Variants in ROS1 observed in about 807,000 individuals in gnomAD.
The protein encoded by ROS1 is ROS proto-oncogene 1, receptor tyrosine kinase, also known as proto-oncogene tyrosine-protein kinase ROS.
In ROS1, 263 loss-of-function variants were observed where a neutral mutation model predicts 273.5. The observed-to-expected ratio is 0.96, with a 90% CI of 0.87 to 1.06. The LOEUF is 1.06. Ranked by LOEUF, ROS1 falls within the 50% of genes least tolerant of loss-of-function variation. ROS1 has a pLI of 0.00. For synonymous variants in ROS1, 1,008 were observed against 954.1 expected, an observed-to-expected ratio of 1.06 and a Z score of -1.04; for missense variants, 2,833 against 2,751.1, an observed-to-expected ratio of 1.03 and a Z score of -0.67.
chr6:117,388,103 G>C lies in ROS1; in HGVS notation c.1787-111C>G, dbSNP rs750807998. ...CTCATCTCAAATGGGAGAGCAATTG[G>C]GCAGTAATATCCGCTACCCCGATAA... On this transcript the variant is annotated intron_variant, in intron 13 of 43. Coordinates refer to ENST00000368507, the MANE Select transcript of ROS1 (RefSeq NM_001378902.1). 5.5e-5 allele frequency: 84 copies of C among 1,517,178 alleles called. No homozygotes were observed. The Middle Eastern group carries it at 7.0e-4, about 13-fold the overall frequency. The allele number at this position is 1,517,178 out of a possible 1,614,324, so 94.0% of individuals were successfully genotyped here. A position where few individuals can be genotyped will look rare whatever the true frequency, so the allele number is the denominator to read the frequency against.
chr6:117,404,172 G>C (rs2128725758), intron 6 of ROS1, 108 bp downstream of exon 6: 1 of 1,013,212 alleles, frequency 9.9e-7, no homozygotes. Flanking sequence ...AGTAAGCTGA[G>C]ATCGCGCCAC....
chr6:117,402,162 C>T (rs2128722923), intron 7 of ROS1, among the ~76,000 whole-genome samples: 1 of 152,298 alleles, frequency 6.6e-6, no homozygotes, highest in South Asian at 2.1e-4. Flanking sequence ...ACCAAGATCC[C>T]TGAGGTAGAC....
chr6:117,316,701 T>C (rs1192384265), intron 39 of ROS1, among the ~76,000 whole-genome samples: 1 of 151,968 alleles, frequency 6.6e-6, no homozygotes, highest in Non-Finnish European at 1.5e-5. Context: ...AGAGCTCCGT[T>C]TGGGGCAAAA....
At chr6:117,331,430 C>T (rs2128601015) in intron 32 of ROS1, among the ~76,000 whole-genome samples, 1 of 152,142 alleles carries the variant, frequency 6.6e-6, no homozygotes, top group East Asian at 1.9e-4. Flanking sequence ...GGGATATTAT[C>T]CAGGAGAACT....
chr6:117,347,978 G>A (rs1444604798), intron 27 of ROS1, among the ~76,000 whole-genome samples: 1 of 152,058 alleles, frequency 6.6e-6, no homozygotes, highest in South Asian at 2.1e-4. Context: ...CTAATATTTT[G>A]TTCAGGACTT....
At chr6:117,378,153 C>T (rs1305705201) in intron 18 of ROS1, among the ~76,000 whole-genome samples, 1 of 152,078 alleles carries the variant, frequency 6.6e-6, no homozygotes, top group Non-Finnish European at 1.5e-5. Context: ...ACCCTATCAC[C>T]CAGCAATTCT....
intron 42 of ROS1, among the ~76,000 whole-genome samples, chr6:117,304,316 G>C (rs1774947272): frequency 6.6e-6 from 1 of 152,328 alleles, no homozygotes; most frequent in Admixed American, 6.5e-5. Context: ...ATAAAGTAGA[G>C]TTTTGATGAT....
intron 31 of ROS1, among the ~76,000 whole-genome samples, 165 bp from the exon 32 acceptor site, chr6:117,337,505 A>G (rs989602980): frequency 6.6e-6 from 1 of 152,156 alleles, no homozygotes; most frequent in African/African-American, 2.4e-5. Flanking sequence ...CACTGCCTAT[A>G]GTCGTTTTGC....
At chr6:117,379,220 A>T in intron 17 of ROS1, 61 bp from the exon 18 acceptor site, 1 of 957,180 alleles carries the variant, frequency 1.0e-6, no homozygotes, top group Non-Finnish European at 1.7e-6. Flanking sequence ...AACTTTGTGA[A>T]CAGGTCACAC....
chr6:117,339,538 C>A (rs1777753386), intron 31 of ROS1, among the ~76,000 whole-genome samples: 1 of 152,072 alleles, frequency 6.6e-6, no homozygotes, highest in South Asian at 2.1e-4. Flanking sequence ...GTGAGATAGG[C>A]TCAAGTTGTT....
At position 117,389,604 on chromosome 6, in the gene ROS1, A is replaced by C. The variant is rs1301103592; in HGVS notation, c.1532T>G (p.Phe511Cys). 6.2e-7 allele frequency: 1 copy of C among 1,614,234 alleles called. No homozygotes were observed. The highest frequency in any genetic ancestry group is 2.2e-5 in the East Asian group (1 of 44,892). The change falls in exon 13 of 44, where the codon TTT becomes TGT. Residue 511 changes from phenylalanine to cysteine, a missense_variant. Physicochemically the swap from Phe to Cys is radical, Grantham distance 205. Transcript: ENST00000368507. ...AAGAAAGTCATTGTTTTCACAAGCA[A>C]AACTTTTCACATCAGCAAAGGGGAT... ...PRIPFADVKS[F>C]ACENNDFLVT...
chr6:117,382,661 T>G (rs1412917671), intron 17 of ROS1, among the ~76,000 whole-genome samples: 3 of 152,166 alleles, frequency 2.0e-5, no homozygotes, highest in Admixed American at 6.5e-5. Flanking sequence ...TTGTAAAAGC[T>G]GAGGAAGTAA....
intron 4 of ROS1, among the ~76,000 whole-genome samples, chr6:117,411,400 T>C (rs1049652012): frequency 6.6e-6 from 1 of 151,876 alleles, no homozygotes; most frequent in Non-Finnish European, 1.5e-5. Flanking sequence ...AATCTAAAGA[T>C]GGTTGGATTT....
Position 117,365,653 on chromosome 6 carries a change from G to T in ROS1, c.2886C>A (p.Ile962=), listed in dbSNP as rs764921433. ...CTACCGCAGGGGGACCATTCCACAG[G>T]ATTTGAAAACTTGAAGCATTTCCTT... ...RIEGNASSFQ[I]LWNGPPAVDW... Residue 962 remains isoleucine (I), a synonymous_variant, in exon 20 of 44, where the codon ATC becomes ATA. Transcript: ENST00000368507. 2 of 1,612,628 alleles carry T rather than the reference G, an allele frequency of 1.2e-6. No individual in the cohort carries two copies. Among genetic ancestry groups the T allele is most frequent in the East Asian group, 2.2e-5 (1 of 44,858 alleles).
At position 117,301,109 on chromosome 6, in the gene ROS1, G is replaced by A. The variant is rs1164131685; in HGVS notation, c.6580C>T (p.Gln2194Ter). The A allele has an allele frequency of 8.1e-6, 13 of 1,599,546 alleles. No individual in the cohort carries two copies. Among genetic ancestry groups the A allele is most frequent in the Non-Finnish European group, 1.1e-5 (13 of 1,174,582 alleles). ...LWNLMTQCWAQEPDQRPTFHR... is the reference protein window; with the variant it reads ...LWNLMTQCWA ...AAAGTAGGTCTTTGGTCGGGTTCTT[G>A]AGCCCAGCACTGGGTCATTAAATTC... is the stretch of plus-strand genomic sequence containing the variant. Residue 2194 changes from glutamine (Q) to a stop codon, truncating the protein, a stop_gained, in exon 43 of 44, where the codon CAA becomes TAA. Coordinates refer to ENST00000368507, the MANE Select transcript of ROS1 (RefSeq NM_001378902.1). LOFTEE classifies it high-confidence loss of function.
intron 17 of ROS1, among the ~76,000 whole-genome samples, chr6:117,379,712 C>T (rs1384087023): frequency 6.6e-6 from 1 of 152,142 alleles, no homozygotes; most frequent in Non-Finnish European, 1.5e-5. Context: ...GGGATGGAAC[C>T]TAGGCTCCAG....
At chr6:117,367,182 T>G (rs1473580975) in intron 18 of ROS1, among the ~76,000 whole-genome samples, 1 of 152,158 alleles carries the variant, frequency 6.6e-6, no homozygotes, top group African/African-American at 2.4e-5. Flanking sequence ...CCTACGGATG[T>G]GAAGCAGAAG....
At chr6:117,291,132 C>T (rs898201737) in intron 43 of ROS1, among the ~76,000 whole-genome samples, 4 of 152,140 alleles carry the variant, frequency 2.6e-5, no homozygotes, top group African/African-American at 9.7e-5. Flanking sequence ...TTAGTGATTT[C>T]CACATCTCTT....
intron 5 of ROS1, among the ~76,000 whole-genome samples, chr6:117,407,052 C>A (rs1177535928): frequency 7.4e-6 from 1 of 135,876 alleles, no homozygotes; most frequent in Non-Finnish European, 1.6e-5. Flanking sequence ...TTATCCACAG[C>A]TAATTCCCGT....
Sources: allele counts gnomAD v4.1 joint callset (sites outside exome capture counted in the v4.1 genomes callset), GRCh38; gene constraint gnomAD v4.1.1; transcripts MANE v1.5; gene names NCBI Gene and HGNC (gene_info 2026-07-23, HGNC 2026-07-21).